SLFN12L: variants seen among roughly 807,000 people sequenced by gnomAD.
SLFN12L encodes schlafen family member 12 like, also known as schlafen family member 12-like.
SLFN12L carries 34 observed loss-of-function variants against 34.8 expected under a neutral mutation model. The ratio of observed to expected loss-of-function variants is 0.98; its 90% CI spans 0.74 to 1.30. SLFN12L has a LOEUF of 1.30. Among genes scored for constraint, SLFN12L ranks in the 50% most tolerant of loss-of-function variants. The probability of loss-of-function intolerance (pLI) is 0.00; values close to 1 mark genes in which losing one functional copy is unlikely to be tolerated. For missense variants in SLFN12L, 703 were observed against 696.2 expected, an observed-to-expected ratio of 1.01 and a Z score of -0.11; for synonymous variants, 259 against 247.5, an observed-to-expected ratio of 1.05 and a Z score of -0.44.
chr17:35,528,697 A>G (rs1314601176), intron 1 of SLFN12L, among the ~76,000 whole-genome samples: 2 of 152,252 alleles, frequency 1.3e-5, no homozygotes, highest in Admixed American at 1.3e-4. Flanking sequence ...TTAACTCAAG[A>G]TGGATTAAAG....
At chr17:35,519,603 C>T (rs886286649) in intron 2 of SLFN12L, among the ~76,000 whole-genome samples, 2 of 152,096 alleles carry the variant, frequency 1.3e-5, no homozygotes, top group South Asian at 2.1e-4. Flanking sequence ...CACTTCAATC[C>T]CCACCCTTTG....
chr17:35,493,055 G>C (rs529605632), intron 2 of SLFN12L, among the ~76,000 whole-genome samples: 1 of 152,272 alleles, frequency 6.6e-6, no homozygotes, highest in African/African-American at 2.4e-5. Flanking sequence ...TGGTGGTGGG[G>C]TCAAGACAGG....
intron 1 of SLFN12L, among the ~76,000 whole-genome samples, chr17:35,523,833 G>A (rs750497453): frequency 6.6e-5 from 10 of 152,116 alleles, no homozygotes; most frequent in Non-Finnish European, 1.2e-4. Context: ...TCCTCAGGAG[G>A]CTGAGGTGGG....
At chr17:35,478,654 G>C (rs889919774) in intron 3 of SLFN12L, among the ~76,000 whole-genome samples, 5 of 152,100 alleles carry the variant, frequency 3.3e-5, no homozygotes, top group South Asian at 2.1e-4. Context: ...TCTCTTATTG[G>C]TACAATTTAG....
At position 35,474,698 on chromosome 17, in the gene SLFN12L, G is replaced by A; in HGVS notation, c.*225C>T. The A allele has an allele frequency of 6.2e-6, 2 of 322,176 alleles. No individual in the cohort carries two copies. The highest frequency in any genetic ancestry group is 3.2e-5 in the South Asian group (1 of 31,608). 20.0% of individuals were successfully genotyped at this position (322,176 alleles called of 1,614,324 possible). ...GCACTTTGGGAGACCGGGGGGGGGG[G>A]TTGAATCACGAGGTCAGGAGTTCAA... On this transcript the variant is annotated 3_prime_UTR_variant, in exon 5 of 5. Coordinates refer to ENST00000628453, the MANE Select transcript of SLFN12L (RefSeq NM_001363830.2).
At chr17:35,506,369 G>A (rs1356848159) in intron 2 of SLFN12L, among the ~76,000 whole-genome samples, 1 of 152,166 alleles carries the variant, frequency 6.6e-6, no homozygotes, top group Non-Finnish European at 1.5e-5. Context: ...TGTCATTTAG[G>A]CTATGTGGAT....
intron 3 of SLFN12L, among the ~76,000 whole-genome samples, chr17:35,478,636 AT>A (rs1195631200): frequency 2.0e-5 from 3 of 152,332 alleles, no homozygotes; most frequent in Non-Finnish European, 4.4e-5. Flanking sequence ...AAATATCAGC[AT>A]TATTCTTCTC....
At chr17:35,498,193 G>GGGGCCGCCTGGGGAGCCC in intron 2 of SLFN12L, 12 of 687,976 alleles carry the variant, frequency 1.7e-5, no homozygotes, top group South Asian at 1.6e-4. Context: ...GTGGGGAGCC[G>GGGGCCGCCTGGGGAGCCC]GGGCCGCCTG....
intron 2 of SLFN12L, among the ~76,000 whole-genome samples, chr17:35,488,248 A>G (rs530183429): frequency 7.9e-5 from 12 of 152,336 alleles, no homozygotes; most frequent in African/African-American, 2.6e-4. Context: ...TAAAGGGGTG[A>G]CATTCCAGCT....
In SLFN12L at chr17:35,475,465, A is replaced by G; in HGVS notation, c.1297T>C (p.Cys433Arg). ...HLPGLSEKIT[C>R]APKTFCRNLF... Reference sequence around the variant, plus strand: ...TTTCTGCAGAAGGTTTTTGGAGCACAAGTTATCTTTTCTGATAGCCCTAGA... The same window carrying G: ...TTTCTGCAGAAGGTTTTTGGAGCACGAGTTATCTTTTCTGATAGCCCTAGA... Residue 433 changes from cysteine (C) to arginine (R), a missense_variant, in exon 5 of 5, where the codon TGT becomes CGT. Physicochemically the swap from Cys to Arg is radical, Grantham distance 180. Coordinates refer to ENST00000628453, the MANE Select transcript of SLFN12L (RefSeq NM_001363830.2). 1.9e-6 allele frequency: 3 copies of G among 1,608,592 alleles called. No homozygotes were observed. Among genetic ancestry groups the G allele is most frequent in the Non-Finnish European group, 1.7e-6 (2 of 1,177,882 alleles).
intron 2 of SLFN12L, chr17:35,515,323 T>C: frequency 2.8e-6 from 1 of 361,104 alleles, no homozygotes; most frequent in Non-Finnish European, 5.3e-6. Flanking sequence ...TCCAGGGTTC[T>C]GAAGATTAAA....
At chr17:35,509,539 A>G (rs1442565525) in intron 2 of SLFN12L, among the ~76,000 whole-genome samples, 6 of 152,198 alleles carry the variant, frequency 3.9e-5, no homozygotes, top group Non-Finnish European at 8.8e-5. Flanking sequence ...GTTTCTGACA[A>G]TGAGCATTTG....
rs1483676849 is a variant in SLFN12L, at chr17:35,472,769, C to T, written c.*2154G>A. Among the ~76,000 whole-genome samples, 1 of 152,160 alleles carries T rather than the reference C, an allele frequency of 6.6e-6. No homozygotes were observed. Among genetic ancestry groups the T allele is most frequent in the Non-Finnish European group, 1.5e-5 (1 of 68,032 alleles). On this transcript the variant is annotated 3_prime_UTR_variant, in exon 5 of 5. Transcript: ENST00000628453. ...TATGGCCATTTTCATGATATTGATT[C>T]TTCCTGTTTATGAGGATGGAATGTT... is the stretch of plus-strand genomic sequence containing the variant.
chr17:35,498,294 G>C lies in SLFN12L; in HGVS notation c.87-18099C>G. The C allele has an allele frequency of 8.6e-6, 7 of 810,500 alleles. No individual in the cohort carries two copies. In the South Asian group the frequency reaches 9.3e-5, roughly 11 times the overall value. 50.2% of individuals were successfully genotyped at this position (810,500 alleles called of 1,614,324 possible). A position where few individuals can be genotyped will look rare whatever the true frequency, so the allele number is the denominator to read the frequency against. On this transcript the variant is annotated intron_variant, in intron 2 of 4. Coordinates refer to ENST00000628453, the MANE Select transcript of SLFN12L (RefSeq NM_001363830.2). ...ACGCTGGCAGTACGTGGACTCAGAC[G>C]GTCCCCTGAAGCAAGGACTGCGGCT...
At chr17:35,483,950 T>C (rs1914469225) in intron 2 of SLFN12L, among the ~76,000 whole-genome samples, 1 of 152,186 alleles carries the variant, frequency 6.6e-6, no homozygotes. Context: ...ATTTGGACAA[T>C]TGGGGTTACA....
chr17:35,514,152 T>C (rs1915740859), intron 2 of SLFN12L, among the ~76,000 whole-genome samples: 1 of 152,224 alleles, frequency 6.6e-6, no homozygotes, highest in Non-Finnish European at 1.5e-5. Context: ...TGGTGCTGTT[T>C]GCAACTACTT....
rs1913809737 is a variant in SLFN12L, at chr17:35,471,590, A to G, written c.*3333T>C. Among the ~76,000 whole-genome samples the G allele has an allele frequency of 6.6e-6, 1 of 152,214 alleles. No homozygotes were observed. Among genetic ancestry groups the G allele is most frequent in the Admixed American group, 6.5e-5 (1 of 15,292 alleles). ...TGAACTAATTTACATTCCCACCAACAGTGTAAAAGCATTCCTATTTCTCCA... is the reference window on the plus strand; with the variant it reads ...TGAACTAATTTACATTCCCACCAACGGTGTAAAAGCATTCCTATTTCTCCA... On this transcript the variant is annotated 3_prime_UTR_variant, in exon 5 of 5. Coordinates refer to ENST00000628453, the MANE Select transcript of SLFN12L (RefSeq NM_001363830.2).
chr17:35,487,951 G>A, intron 2 of SLFN12L: 1 of 691,472 alleles, frequency 1.4e-6, no homozygotes, highest in Non-Finnish European at 2.6e-6. Flanking sequence ...ACTCACGCCT[G>A]TAATCCCAGC....
chr17:35,514,623 G>C (rs1915755563), intron 2 of SLFN12L: 1 of 248,972 alleles, frequency 4.0e-6, no homozygotes, highest in Non-Finnish European at 7.9e-6. Flanking sequence ...GAACCAAATG[G>C]ATTTACACAA....
Sources: allele counts gnomAD v4.1 joint callset (sites outside exome capture counted in the v4.1 genomes callset), GRCh38; gene constraint gnomAD v4.1.1; transcripts MANE v1.5; gene names NCBI Gene and HGNC (gene_info 2026-07-23, HGNC 2026-07-21).